Variants in TXNDC12 observed in about 807,000 individuals in gnomAD.
The protein encoded by TXNDC12 is thioredoxin domain containing 12.
In TXNDC12, 22 loss-of-function variants were observed where a neutral mutation model predicts 24.2. The observed-to-expected ratio is 0.91, with a 90% confidence interval of 0.65 to 1.30. TXNDC12 has a LOEUF of 1.30. Ranked by LOEUF, TXNDC12 falls within the 50% of genes most tolerant of loss-of-function variation. TXNDC12 has a pLI of 0.00. For missense variants in TXNDC12, 184 were observed against 205.8 expected (o/e 0.89, Z 0.65); for synonymous variants, 58 against 73.4 (o/e 0.79, Z 1.07).
At position 52,040,860 on chromosome 1, in the gene TXNDC12, G is replaced by A. The variant is rs572362856; in HGVS notation, c.158+677C>T. ...AGCCTGGCCAACATGGTGAAACCCC[G>A]TCTCTACTAAAAACTACAAAAATTA... On this transcript the variant is annotated intron_variant, in intron 2 of 6. Coordinates refer to ENST00000371626, the MANE Select transcript of TXNDC12 (RefSeq NM_015913.4). Among the ~76,000 whole-genome samples, 6 of 151,482 alleles carry A rather than the reference G, an allele frequency of 4.0e-5. No individual in the cohort carries two copies. In the East Asian group the frequency reaches 7.8e-4, roughly 20 times the overall value.
At chr1:52,053,988 T>C (rs1686270627) in intron 1 of TXNDC12, among the ~76,000 whole-genome samples, 1 of 152,168 alleles carries the variant, frequency 6.6e-6, no homozygotes, top group African/African-American at 2.4e-5. Flanking sequence ...TCCACCAGAG[T>C]AGGAACCTTG....
At position 52,023,579 on chromosome 1, in the gene TXNDC12, T is replaced by TA. The variant is rs909475445; in HGVS notation, c.356-6dup. On this transcript the variant is annotated splice_polypyrimidine_tract_variant and splice_region_variant and intron_variant, in intron 5 of 6. Transcript: ENST00000371626. ...GATGCACCTTGCCACTGGGATCTGT[T>TA]ATAGACAAAATGACACAGAGTTTTG... 7 of 1,611,390 alleles carry TA rather than the reference T, an allele frequency of 4.3e-6. No homozygotes were observed. The highest frequency in any genetic ancestry group is 1.3e-5 in the African/African-American group (1 of 74,720).
At chr1:52,033,651 G>A in intron 2 of TXNDC12, 1 of 1,611,394 alleles carries the variant, frequency 6.2e-7, no homozygotes, top group Non-Finnish European at 8.5e-7. Context: ...GGACAGCTGC[G>A]TCGTCCACCA....
intron 2 of TXNDC12, chr1:52,032,518 C>CCA (rs1685781107): frequency 7.3e-7 from 1 of 1,378,724 alleles, no homozygotes; most frequent in Non-Finnish European, 9.3e-7. Context: ...TTAGTCTGAA[C>CCA]TTATGCTGTA....
intron 2 of TXNDC12, among the ~76,000 whole-genome samples, chr1:52,037,021 G>A (rs1031833664): frequency 6.6e-6 from 1 of 151,986 alleles, no homozygotes; most frequent in Non-Finnish European, 1.5e-5. Flanking sequence ...TTTCTATAAC[G>A]ACAATGGCAT....
chr1:52,032,379 G>C (rs1426326807), intron 2 of TXNDC12: 2 of 1,115,754 alleles, frequency 1.8e-6, no homozygotes, highest in Non-Finnish European at 2.2e-6. Context: ...CCACGCCTCA[G>C]ATGAGGGAAG....
chr1:52,054,938 G>A, intron 1 of TXNDC12, 62 bp downstream of exon 1: 1 of 1,289,074 alleles, frequency 7.8e-7, no homozygotes, highest in South Asian at 1.2e-5. Context: ...AGGGCAAGAA[G>A]AGATTATACT....
At chr1:52,055,205 A>G (rs1686315088), upstream of TXNDC12, 3 of 729,598 alleles carry the variant, frequency 4.1e-6, no homozygotes, top group African/African-American at 3.6e-5. Flanking sequence ...TCTACTTCCC[A>G]GATTTTTTTT....
chr1:52,046,692 C>T (rs1452362354), intron 1 of TXNDC12, among the ~76,000 whole-genome samples: 1 of 150,532 alleles, frequency 6.6e-6, no homozygotes, highest in East Asian at 2.0e-4. Flanking sequence ...CCTGGTCTAA[C>T]CTAACATGGT....
intron 2 of TXNDC12, among the ~76,000 whole-genome samples, chr1:52,031,486 CCACAT>C (rs927307774): frequency 1.3e-5 from 2 of 151,524 alleles, no homozygotes; most frequent in Admixed American, 6.6e-5. Flanking sequence ...GTATTTCTCA[CCACAT>C]ATCTCTTTTT....
chr1:52,032,454 GCT>G, intron 2 of TXNDC12: 2 of 1,284,078 alleles, frequency 1.6e-6, no homozygotes. Flanking sequence ...GTCCACCTTA[GCT>G]CTGTCCTCTG....
intron 2 of TXNDC12, among the ~76,000 whole-genome samples, chr1:52,035,638 G>A (rs1685866857): frequency 6.6e-6 from 1 of 152,126 alleles, no homozygotes. Flanking sequence ...CTTGAACCCG[G>A]GATGCGGAGG....
intron 2 of TXNDC12, among the ~76,000 whole-genome samples, chr1:52,031,004 AC>A (rs1685743507): frequency 6.6e-6 from 1 of 152,128 alleles, no homozygotes; most frequent in African/African-American, 2.4e-5. Flanking sequence ...TTGGCCCTTT[AC>A]TGACTTTATT....
At chr1:52,035,439 G>C (rs1685862568) in intron 2 of TXNDC12, among the ~76,000 whole-genome samples, 1 of 152,184 alleles carries the variant, frequency 6.6e-6, no homozygotes, top group South Asian at 2.1e-4. Context: ...GCCCGGCATG[G>C]TGGCTCGCGC....
intron 1 of TXNDC12, chr1:52,051,022 TC>T (rs1331712012): frequency 5.9e-6 from 1 of 169,502 alleles, no homozygotes; most frequent in Non-Finnish European, 1.5e-5. Flanking sequence ...TCCACTGGAC[TC>T]CTTTGCCTCA....
In TXNDC12 at chr1:52,041,589, C is replaced by T; in HGVS notation, c.106G>A (p.Asp36Asn). The T allele has an allele frequency of 1.2e-6, 2 of 1,610,050 alleles. No homozygotes were observed. Among genetic ancestry groups the T allele is most frequent in the East Asian group, 4.5e-5 (2 of 44,736 alleles). The change falls in exon 2 of 7, where the codon GAT becomes AAT. Residue 36 changes from aspartate (D) to asparagine (N), a missense_variant. Asp to Asn is a conservative substitution (Grantham distance 23, BLOSUM62 1). Coordinates refer to ENST00000371626, the MANE Select transcript of TXNDC12 (RefSeq NM_015913.4). ...TCCAGTGTCCTCCAATGAATATGATCTCCAAAACCTGGAAGGAAAGAACTT... is the reference window on the plus strand; with the variant it reads ...TCCAGTGTCCTCCAATGAATATGATTTCCAAAACCTGGAAGGAAAGAACTT... ...GHNGLGKGFG[D>N]HIHWRTLEDG...
chr1:52,033,380 G>A (rs745646561), intron 2 of TXNDC12: 2 of 1,613,622 alleles, frequency 1.2e-6, no homozygotes, highest in East Asian at 2.2e-5. Context: ...CTGACGTTCC[G>A]GCCAGGGTTC....
At chr1:52,025,221 C>CTTT (rs1229139020) in intron 4 of TXNDC12, among the ~76,000 whole-genome samples, 1 of 141,830 alleles carries the variant, frequency 7.1e-6, no homozygotes, top group Non-Finnish European at 1.6e-5. Flanking sequence ...AATCAGTTTT[C>CTTT]TTTTTTTTTT....
intron 1 of TXNDC12, among the ~76,000 whole-genome samples, chr1:52,052,071 C>CA (rs1686216887): frequency 6.6e-6 from 1 of 152,132 alleles, no homozygotes; most frequent in African/African-American, 2.4e-5. Flanking sequence ...TGAATCCTCC[C>CA]AACCCAGCCC....
Sources: allele counts gnomAD v4.1 joint callset (sites outside exome capture counted in the v4.1 genomes callset), GRCh38; gene constraint gnomAD v4.1.1; transcripts MANE v1.5; gene names NCBI Gene and HGNC (gene_info 2026-07-23, HGNC 2026-07-21).